The following ARAP2 variants were observed in gnomAD, a reference collection of about 807,000 sequenced individuals.
ARAP2 encodes ArfGAP with RhoGAP domain, ankyrin repeat and PH domain 2, also known as arf-GAP with Rho-GAP domain, ANK repeat and PH domain-containing protein 2.
Under a neutral mutation model 194.5 loss-of-function variants are expected in ARAP2, and 148 were observed. The ratio of observed to expected loss-of-function variants is 0.76; its 90% CI spans 0.67 to 0.87. The LOEUF (loss-of-function observed/expected upper bound fraction) is 0.87, where lower values mean the gene tolerates loss of function less well. ARAP2 is among the 40% of genes least tolerant of loss of function. The pLI, the probability that ARAP2 is intolerant of heterozygous loss-of-function variation, is 0.00. For missense variants in ARAP2, 2,128 were observed against 1,989.7 expected (o/e 1.07, Z -1.32); for synonymous variants, 695 against 683.5 (o/e 1.02, Z -0.26).
At chr4:36,029,713 G>T (rs944151150) in intron 5 of ARAP2, among the ~76,000 whole-genome samples, 1 of 150,970 alleles carries the variant, frequency 6.6e-6, no homozygotes, top group Non-Finnish European at 1.5e-5. Context: ...ATTTTTCTTT[G>T]TTGTTATTTG....
intron 27 of ARAP2, among the ~76,000 whole-genome samples, chr4:36,103,105 T>C (rs1351129072): frequency 2.0e-5 from 3 of 151,746 alleles, no homozygotes; most frequent in Non-Finnish European, 4.4e-5. Flanking sequence ...TCATAGATAG[T>C]GAATGGCTCA....
chr4:36,018,566 A>G (rs16991865), intron 6 of ARAP2, among the ~76,000 whole-genome samples: 3,097 of 152,258 alleles, frequency 0.02, 120 homozygotes, highest in African/African-American at 0.071. Flanking sequence ...ACCACCACAT[A>G]ATGATCTGAT....
At chr4:36,239,524 A>T (rs1753102033) in intron 1 of ARAP2, among the ~76,000 whole-genome samples, 1 of 152,226 alleles carries the variant, frequency 6.6e-6, no homozygotes, top group Non-Finnish European at 1.5e-5. Context: ...GTGAAAAAAC[A>T]GTCATAAAAC....
intron 3 of ARAP2, among the ~76,000 whole-genome samples, chr4:36,048,562 T>C (rs2109244267): frequency 6.6e-6 from 1 of 152,298 alleles, no homozygotes; most frequent in South Asian, 2.1e-4. Context: ...GGCTGCATAG[T>C]ATTTCATGAT....
At chr4:36,176,632 C>G (rs1301037793) in intron 9 of ARAP2, among the ~76,000 whole-genome samples, 1 of 152,066 alleles carries the variant, frequency 6.6e-6, no homozygotes, top group African/African-American at 2.4e-5. Flanking sequence ...TTGTAATCAT[C>G]TTATTTTGTA....
chr4:36,096,032 A>C (rs1439740299), intron 27 of ARAP2, among the ~76,000 whole-genome samples: 1 of 152,112 alleles, frequency 6.6e-6, no homozygotes, highest in African/African-American at 2.4e-5. Flanking sequence ...ATATCCATGC[A>C]TCATTTCTAA....
intron 6 of ARAP2, among the ~76,000 whole-genome samples, chr4:36,198,726 G>A (rs1268828984): frequency 2.6e-5 from 4 of 152,234 alleles, no homozygotes; most frequent in Non-Finnish European, 5.9e-5. Context: ...AGCAGACACT[G>A]GGAGCAGGGA....
chr4:36,122,993 T>C (rs182952543), intron 22 of ARAP2, among the ~76,000 whole-genome samples: 7 of 151,950 alleles, frequency 4.6e-5, no homozygotes, highest in Admixed American at 4.6e-4. Context: ...TATGTTAATG[T>C]AGAGAATTCA....
chr4:36,031,666 CT>C (rs67436021), intron 5 of ARAP2, among the ~76,000 whole-genome samples: 68 of 146,272 alleles, frequency 4.6e-4, no homozygotes, highest in African/African-American at 1.4e-3. Context: ...GATTTAAAAT[CT>C]TTTTTTTTTT....
At chr4:36,234,009 C>A (rs1432797558) in intron 1 of ARAP2, among the ~76,000 whole-genome samples, 1 of 152,202 alleles carries the variant, frequency 6.6e-6, no homozygotes, top group Admixed American at 6.5e-5. Flanking sequence ...TCCCAATAAA[C>A]CCATTGTATG....
intron 5 of ARAP2, among the ~76,000 whole-genome samples, chr4:36,033,731 A>G (rs1329426117): frequency 1.3e-5 from 2 of 151,906 alleles, no homozygotes; most frequent in Non-Finnish European, 2.9e-5. Flanking sequence ...CCATTCCGAC[A>G]TCTAGAATGG....
intron 27 of ARAP2, among the ~76,000 whole-genome samples, chr4:36,103,889 T>C (rs546365537): frequency 1.7e-4 from 26 of 152,080 alleles, no homozygotes; most frequent in African/African-American, 6.0e-4. Flanking sequence ...CCCTTAATTT[T>C]AGCAAATTTT....
downstream of ARAP2, chr4:36,065,389 G>A (rs1237309207): frequency 9.6e-6 from 5 of 523,194 alleles, no homozygotes; most frequent in African/African-American, 1.9e-5. Flanking sequence ...CAGGGCCCCA[G>A]GAATGGCTTC....
At chr4:36,203,929 T>C (rs1457127020) in intron 6 of ARAP2, among the ~76,000 whole-genome samples, 1 of 152,104 alleles carries the variant, frequency 6.6e-6, no homozygotes, top group Non-Finnish European at 1.5e-5. Flanking sequence ...AAAGTATTAG[T>C]ATCTTCAGAG....
rs775977036 is a variant in ARAP2, at chr4:36,210,693, A to G, written c.1184T>C (p.Ile395Thr). Residue 395 changes from isoleucine (I) to threonine (T), a missense_variant, in exon 6 of 33, where the codon ATT (isoleucine) becomes ACT (threonine). Transcript: ENST00000303965. ...GTTTTTGTCCTCTCGAGGTATCCAA[A>G]TATCTTCCACCTTGTCCTCGCTTAT... is the stretch of plus-strand genomic sequence containing the variant. ...EKISEDKVED[I>T]WIPREDKNNF... 1.2e-5 allele frequency: 20 copies of G among 1,612,196 alleles called. No homozygotes were observed. Among genetic ancestry groups the G allele is most frequent in the Admixed American group, 1.2e-4 (7 of 59,760 alleles).
chr4:36,110,486 T>A (rs1444083137), intron 26 of ARAP2, among the ~76,000 whole-genome samples: 1 of 152,020 alleles, frequency 6.6e-6, no homozygotes, highest in Admixed American at 6.6e-5. Context: ...GCAATTAAAT[T>A]TCTTTCAAGA....
In ARAP2 at chr4:36,033,215, G is replaced by A. The variant is rs1214984723; in HGVS notation, n.607+12764C>T. On this transcript the variant is annotated intron_variant and non_coding_transcript_variant, in intron 5 of 12. Coordinates refer to the ARAP2 transcript ENST00000503225. ...AGTAATGGGATTGCTGGGTCAAATGGTAATTTTGTTTTTAGCTCTTTGAGG... is the reference window on the plus strand; with the variant it reads ...AGTAATGGGATTGCTGGGTCAAATGATAATTTTGTTTTTAGCTCTTTGAGG... 3.3e-5 allele frequency among the ~76,000 whole-genome samples: 5 copies of A among 152,270 alleles called. No homozygotes were observed. The East Asian group carries it at 5.8e-4, about 18-fold the overall frequency.
chr4:36,048,587 T>C (rs1036471398), intron 3 of ARAP2, among the ~76,000 whole-genome samples: 2 of 152,168 alleles, frequency 1.3e-5, no homozygotes, highest in African/African-American at 4.8e-5. Flanking sequence ...ATGAATCATA[T>C]TTGCTTTATC....
chr4:36,199,498 G>C lies in ARAP2; in HGVS notation c.1488-5851C>G, dbSNP rs1230518090. Among the ~76,000 whole-genome samples, 3 of 152,022 alleles carry C rather than the reference G, an allele frequency of 2.0e-5. No individual in the cohort carries two copies. In the East Asian group the frequency reaches 5.8e-4, roughly 29 times the overall value. On this transcript the variant is annotated intron_variant, in intron 6 of 32. Transcript: ENST00000303965. ...GTAGAGACAGGGTTTCACCATATTGGACAGGCTGGTCTCAAATTCCTGACC... is the reference window on the plus strand; with the variant it reads ...GTAGAGACAGGGTTTCACCATATTGCACAGGCTGGTCTCAAATTCCTGACC...
Sources: allele counts gnomAD v4.1 joint callset (sites outside exome capture counted in the v4.1 genomes callset), GRCh38; gene constraint gnomAD v4.1.1; transcripts MANE v1.5; gene names NCBI Gene and HGNC (gene_info 2026-07-23, HGNC 2026-07-21).